Variants in PERM1 observed in about 807,000 individuals in gnomAD.
PERM1 encodes the protein PGC-1 and ERR-induced regulator in muscle protein 1.
A neutral mutation model predicts 44.1 loss-of-function variants in PERM1; 45 were observed. That is an observed-to-expected ratio of 1.02 (90% confidence interval 0.80 to 1.31). PERM1 has a LOEUF of 1.31. Among genes scored for constraint, PERM1 ranks in the 50% most tolerant of loss-of-function variants. The pLI is 0.00. For missense variants in PERM1, 1,189 were observed against 1,106.9 expected (o/e 1.07, Z -1.05); for synonymous variants, 565 against 477.1 (o/e 1.18, Z -2.40).
At chr1:978,416 T>C (rs1643685687) in intron 1 of PERM1, among the ~76,000 whole-genome samples, 1 of 152,158 alleles carries the variant, frequency 6.6e-6, no homozygotes, top group Non-Finnish European at 1.5e-5. Flanking sequence ...GACGCGTCTG[T>C]CGGAGTCACA....
At chr1:981,296 A>G, upstream of PERM1, 1 of 967,406 alleles carries the variant, frequency 1.0e-6, no homozygotes, top group Middle Eastern at 2.1e-4. Flanking sequence ...ACCCCAAATG[A>G]TAGCTGTGTG....
chr1:976,043 G>A (rs769316253), exon 3 of PERM1: 1 of 922,132 alleles, frequency 1.1e-6, no homozygotes, highest in Non-Finnish European at 1.6e-6. Flanking sequence ...GCAGCACCAG[G>A]ACACGCCCCC....
At chr1:978,709 C>T (rs1643693546) in intron 1 of PERM1, among the ~76,000 whole-genome samples, 172 bp downstream of exon 2, 1 of 152,212 alleles carries the variant, frequency 6.6e-6, no homozygotes, top group South Asian at 2.1e-4. Context: ...TTGGACTGGG[C>T]CGCCCCATCT....
chr1:975,917 C>T (rs1643583860), exon 3 of PERM1: 2 of 497,530 alleles, frequency 4.0e-6, no homozygotes, highest in Non-Finnish European at 7.1e-6. Context: ...GTGAATCTGG[C>T]CACCCTCCTA....
At chr1:981,786 C>T (rs919733355), upstream of PERM1, among the ~76,000 whole-genome samples, 21 of 152,344 alleles carry the variant, frequency 1.4e-4, no homozygotes, top group Non-Finnish European at 2.6e-4. Flanking sequence ...CCCGGCTGCC[C>T]GGGGTGCCTT....
At chr1:981,644 C>T (rs1244684230), upstream of PERM1, among the ~76,000 whole-genome samples, 1 of 152,238 alleles carries the variant, frequency 6.6e-6, no homozygotes, top group Non-Finnish European at 1.5e-5. Context: ...TCTGAGCTCA[C>T]CAGGTGGTGC....
chr1:981,009 G>A (rs1355634902), exon 1 of PERM1: 5 of 1,526,544 alleles, frequency 3.3e-6, no homozygotes, highest in African/African-American at 2.8e-5. Context: ...TCAGCTGGAC[G>A]CTGTACTGGA....
At chr1:975,934 C>G (rs1253107052) in exon 3 of PERM1, 13 of 523,192 alleles carry the variant, frequency 2.5e-5, no homozygotes, top group Non-Finnish European at 4.0e-5. Flanking sequence ...CCTACCCAGC[C>G]ACCTGCCTGC....
At chr1:981,293 A>G, upstream of PERM1, 1 of 970,016 alleles carries the variant, frequency 1.0e-6, no homozygotes, top group East Asian at 2.9e-5. Context: ...CGCACCCCAA[A>G]TGATAGCTGT....
exon 1 of PERM1, chr1:980,166 G>C: frequency 6.4e-7 from 1 of 1,550,456 alleles, no homozygotes; most frequent in Non-Finnish European, 8.7e-7. Flanking sequence ...AGACATCTGG[G>C]AGGGCTTCCC....
At chr1:975,937 C>T in exon 3 of PERM1, 1 of 524,486 alleles carries the variant, frequency 1.9e-6, no homozygotes, top group South Asian at 2.7e-5. Context: ...ACCCAGCCAC[C>T]TGCCTGCCCT....
exon 1 of PERM1, chr1:978,947 C>A (rs1194694721): frequency 3.3e-6 from 5 of 1,507,804 alleles, no homozygotes; most frequent in Non-Finnish European, 4.4e-6. Flanking sequence ...CCAGGCCCCG[C>A]CCCCTCGGAG....
exon 1 of PERM1, chr1:979,667 CGGCGTCGGCTCT>C (rs1557659550): frequency 6.5e-7 from 1 of 1,550,278 alleles, no homozygotes; most frequent in South Asian, 1.2e-5. Flanking sequence ...GCGAGGCCAG[CGGCGTCGGCTCT>C]GGGAACAGGT....
exon 1 of PERM1, chr1:979,564 C>A: frequency 1.3e-6 from 2 of 1,550,030 alleles, no homozygotes; most frequent in Non-Finnish European, 1.7e-6. Flanking sequence ...TGCGGGTGCC[C>A]CAGAGCAGCA....
intron 1 of PERM1, among the ~76,000 whole-genome samples, chr1:978,382 C>T (rs1198421911): frequency 6.6e-6 from 1 of 152,130 alleles, no homozygotes. Context: ...CGGGAACCGC[C>T]TGCCCCGGGA....
chr1:978,542 A>G (rs993023438), intron 1 of PERM1, among the ~76,000 whole-genome samples: 2 of 152,242 alleles, frequency 1.3e-5, no homozygotes, highest in African/African-American at 4.8e-5. Context: ...CCCAGAGGAC[A>G]TCAGTGTGAG....
At chr1:981,391 C>T (rs2100508254), upstream of PERM1, among the ~76,000 whole-genome samples, 1 of 152,330 alleles carries the variant, frequency 6.6e-6, no homozygotes, top group Non-Finnish European at 1.5e-5. Flanking sequence ...TTTGAATGCT[C>T]TTTCCCATCA....
chr1:978,151 C>T (rs1218372366), intron 1 of PERM1, among the ~76,000 whole-genome samples: 4 of 130,476 alleles, frequency 3.1e-5, no homozygotes, highest in Admixed American at 7.6e-5. Context: ...CCTGCCTCCC[C>T]CTCCAACCCC....
chr1:981,108 C>G (rs1643784032), upstream of PERM1: 1 of 1,549,210 alleles, frequency 6.5e-7, no homozygotes, highest in South Asian at 1.2e-5. Context: ...GGGCACCACC[C>G]TGCACATGCC....
Sources: allele counts gnomAD v4.1 joint callset (sites outside exome capture counted in the v4.1 genomes callset), GRCh38; gene constraint gnomAD v4.1.1; transcripts MANE v1.5; gene names NCBI Gene and HGNC (gene_info 2026-07-23, HGNC 2026-07-21).